The following CUL5 variants were observed in gnomAD, a reference collection of about 807,000 sequenced individuals.
CUL5 encodes the protein cullin-5.
A neutral mutation model predicts 108.8 loss-of-function variants in CUL5; 26 were observed. The observed-to-expected ratio is 0.24, with a 90% CI of 0.18 to 0.33. The LOEUF is 0.33. Ranked by LOEUF, CUL5 falls within the 10% of genes least tolerant of loss-of-function variation. CUL5 has a pLI of 1.00. For missense variants in CUL5, 524 were observed against 909.2 expected, an observed-to-expected ratio of 0.58 and a Z score of 5.45; for synonymous variants, 334 against 298.0, an observed-to-expected ratio of 1.12 and a Z score of -1.25.
rs1031177691 is a variant in CUL5, at chr11:108,088,668, A to T, written c.1311+9A>T. ...CAAAGCTTAAAGAAGTGGTACATGA[A>T]TTTTTTGTATTTCAACTTTTAAAAT... is the stretch of plus-strand genomic sequence containing the variant. On this transcript the variant is annotated intron_variant, in intron 12 of 18. Coordinates refer to ENST00000393094, the MANE Select transcript of CUL5 (RefSeq NM_003478.6). 3.2e-6 allele frequency: 5 copies of T among 1,567,032 alleles called. No individual in the cohort carries two copies. The highest frequency in any genetic ancestry group is 2.1e-5 in the Admixed American group (1 of 47,254).
At chr11:108,077,309 C>T (rs1433335109) in intron 10 of CUL5, among the ~76,000 whole-genome samples, 1 of 152,160 alleles carries the variant, frequency 6.6e-6, no homozygotes, top group African/African-American at 2.4e-5. Flanking sequence ...TGGAGATAAA[C>T]CATTGTCTTC....
At chr11:108,015,036 T>G (rs1862146405) in intron 1 of CUL5, among the ~76,000 whole-genome samples, 1 of 152,132 alleles carries the variant, frequency 6.6e-6, no homozygotes, top group Non-Finnish European at 1.5e-5. Flanking sequence ...GTAGTTGGGA[T>G]TACCGGTGAC....
At chr11:108,011,172 C>T (rs1424602189) in intron 1 of CUL5, among the ~76,000 whole-genome samples, 2 of 152,114 alleles carry the variant, frequency 1.3e-5, no homozygotes, top group African/African-American at 2.4e-5. Flanking sequence ...GTCTTTTTCT[C>T]CCGAAAAATA....
chr11:108,095,464 T>C (rs2135239131), intron 15 of CUL5, 66 bp from the exon 16 acceptor site: 1 of 1,088,484 alleles, frequency 9.2e-7, no homozygotes. Context: ...TATAAATTCA[T>C]GTCATAGATA....
Position 108,088,242 on chromosome 11 carries a change from A to G in CUL5, c.1179-285A>G, listed in dbSNP as rs73557165. On this transcript the variant is annotated intron_variant, in intron 11 of 18. Coordinates refer to ENST00000393094, the MANE Select transcript of CUL5 (RefSeq NM_003478.6). ...TTTCTGAAAAAAAATTTTAATTATC[A>G]TTGCCAAGGTCAGCACTAGGGTGAG... Among the ~76,000 whole-genome samples the G allele has an allele frequency of 1.0e-2, 1,517 of 152,304 alleles. 25 individuals carry two copies. The highest frequency in any genetic ancestry group is 0.035 in the African/African-American group (1,436 of 41,552).
chr11:108,073,097 G>A (rs961436084), intron 9 of CUL5, among the ~76,000 whole-genome samples: 12 of 151,884 alleles, frequency 7.9e-5, no homozygotes, highest in African/African-American at 1.5e-4. Context: ...AGCTACTTGG[G>A]AGGGTGAGGC....
At chr11:108,061,915 G>T (rs942250629) in intron 7 of CUL5, among the ~76,000 whole-genome samples, 1 of 152,008 alleles carries the variant, frequency 6.6e-6, no homozygotes, top group African/African-American at 2.4e-5. Context: ...GAGAGAGAGA[G>T]AATGTGCAGG....
intron 3 of CUL5, among the ~76,000 whole-genome samples, chr11:108,046,814 A>T (rs1863079912): frequency 6.6e-6 from 1 of 152,174 alleles, no homozygotes; most frequent in African/African-American, 2.4e-5. Flanking sequence ...GCACTCTTAC[A>T]TTGCTGTTAT....
In CUL5 at chr11:108,049,939, T is replaced by A. The variant is rs1457516777; in HGVS notation, c.284T>A (p.Val95Asp). ...DDTALLKAYIVEWRKFFTQCD... is the reference protein window; with the variant it reads ...DDTALLKAYIDEWRKFFTQCD... ...ACGGCTTTGCTAAAAGCATATATTG[T>A]TGAATGGCGAAAGTTCTTTACACAA... Residue 95 changes from valine (V) to aspartate (D), a missense_variant, in exon 4 of 19, where the codon GTT (valine) becomes GAT (aspartate). Around this residue, in one of 8 missense-constraint regions of CUL5, gnomAD observed 170 missense variants for 305.1 expected, o/e 0.56. Coordinates refer to ENST00000393094, the MANE Select transcript of CUL5 (RefSeq NM_003478.6). 6.2e-7 allele frequency: 1 copy of A among 1,613,816 alleles called. No individual in the cohort carries two copies. Among genetic ancestry groups the A allele is most frequent in the Non-Finnish European group, 8.5e-7 (1 of 1,179,916 alleles).
chr11:108,075,649 C>T (rs985955164), intron 10 of CUL5, among the ~76,000 whole-genome samples: 1 of 152,158 alleles, frequency 6.6e-6, no homozygotes, highest in African/African-American at 2.4e-5. Flanking sequence ...AATCCTCCCG[C>T]CTCAGCCACC....
intron 2 of CUL5, among the ~76,000 whole-genome samples, chr11:108,044,806 G>C (rs1478254106): frequency 2.0e-5 from 3 of 151,586 alleles, no homozygotes; most frequent in Non-Finnish European, 4.4e-5. Flanking sequence ...CTGTTGCCCA[G>C]GCTGGAGTTC....
chr11:108,062,249 T>C (rs990704089), intron 7 of CUL5, among the ~76,000 whole-genome samples: 3 of 152,160 alleles, frequency 2.0e-5, no homozygotes, highest in African/African-American at 7.2e-5. Context: ...TGTGTATACA[T>C]CTTTTCTCAC....
chr11:108,101,523 G>T lies in CUL5; in HGVS notation c.2149-2667G>T, dbSNP rs560459073. Reference sequence around the variant, plus strand: ...CCTCTGAGACTCCACTACATCTTCTGTGTGGCTCCTTGGCCTACATGGCAC... The same window carrying T: ...CCTCTGAGACTCCACTACATCTTCTTTGTGGCTCCTTGGCCTACATGGCAC... On this transcript the variant is annotated intron_variant, in intron 18 of 18. Coordinates refer to ENST00000393094, the MANE Select transcript of CUL5 (RefSeq NM_003478.6). Among the ~76,000 whole-genome samples the T allele has an allele frequency of 2.0e-5, 3 of 152,288 alleles. No homozygotes were observed. The South Asian group carries it at 6.2e-4, about 32-fold the overall frequency.
At chr11:108,079,132 C>G (rs959676944) in intron 11 of CUL5, among the ~76,000 whole-genome samples, 1 of 152,094 alleles carries the variant, frequency 6.6e-6, no homozygotes, top group Non-Finnish European at 1.5e-5. Context: ...GAGACAGGGT[C>G]TCACTCTGTC....
intron 7 of CUL5, among the ~76,000 whole-genome samples, chr11:108,058,840 T>C (rs1485672841): frequency 6.6e-6 from 1 of 152,152 alleles, no homozygotes; most frequent in South Asian, 2.1e-4. Context: ...CTAATAAGCT[T>C]GATTATCACT....
rs1432034459 is a variant in CUL5 at position 108,054,783 on chromosome 11, T to C, written c.690T>C (p.Tyr230=). 1.2e-6 allele frequency: 2 copies of C among 1,607,708 alleles called. No homozygotes were observed. Among genetic ancestry groups the C allele is most frequent in the Non-Finnish European group, 1.7e-6 (2 of 1,177,344 alleles). Residue 230 remains tyrosine, a synonymous_variant, in exon 6 of 19, where the codon TAT becomes TAC. Transcript: ENST00000393094. Reference sequence around the variant, plus strand: ...TACAACAAAATGGTGTACAGAATTATATGAAATATGTAAGTTAGAACTTAG... The same window carrying C: ...TACAACAAAATGGTGTACAGAATTACATGAAATATGTAAGTTAGAACTTAG... ...SYLQQNGVQN[Y]MKYADAKLKE...
chr11:108,105,285 T>C lies in CUL5; in HGVS notation c.*901T>C, dbSNP rs1470804687. ...TATACCTAATATTTATTATGCCATA[T>C]CTGAATTTATTAAAAACAACACAGA... On this transcript the variant is annotated 3_prime_UTR_variant, in exon 19 of 19. Coordinates refer to ENST00000393094, the MANE Select transcript of CUL5 (RefSeq NM_003478.6). 1 of 152,202 alleles carries C rather than the reference T, an allele frequency of 6.6e-6. No homozygotes were observed. Among genetic ancestry groups the C allele is most frequent in the African/African-American group, 2.4e-5 (1 of 41,448 alleles). The allele number at this position is 152,202 out of a possible 1,614,324, so 9.4% of individuals were successfully genotyped here.
chr11:108,010,260 C>T (rs994980802), intron 1 of CUL5, among the ~76,000 whole-genome samples: 1 of 152,230 alleles, frequency 6.6e-6, no homozygotes, highest in African/African-American at 2.4e-5. Context: ...GCAAAAACCG[C>T]AGTCACTTTT....
intron 1 of CUL5, among the ~76,000 whole-genome samples, chr11:108,029,797 A>T (rs1404792284): frequency 1.3e-5 from 2 of 152,212 alleles, no homozygotes; most frequent in African/African-American, 4.8e-5. Flanking sequence ...CTGGTACTTA[A>T]CAATGTCTAT....
Sources: allele counts gnomAD v4.1 joint callset (sites outside exome capture counted in the v4.1 genomes callset), GRCh38; gene constraint gnomAD v4.1.1; regional missense constraint gnomAD v4.1.1; transcripts MANE v1.5; gene names NCBI Gene and HGNC (gene_info 2026-07-23, HGNC 2026-07-21).